Variants in ATP8A2 observed in about 807,000 individuals in gnomAD.
ATP8A2 encodes the protein phospholipid-transporting ATPase IB.
In ATP8A2, 100 loss-of-function variants were observed where a neutral mutation model predicts 165.6. The ratio of observed to expected loss-of-function variants is 0.60; its 90% CI spans 0.51 to 0.71. ATP8A2 has a LOEUF of 0.71. Among genes scored for constraint, ATP8A2 ranks in the 30% least tolerant of loss-of-function variants. The probability of loss-of-function intolerance (pLI) is 0.00; values close to 1 mark genes in which losing one functional copy is unlikely to be tolerated. For synonymous variants in ATP8A2, 543 were observed against 548.8 expected (o/e 0.99, Z 0.15); for missense variants, 1,227 against 1,479.5 (o/e 0.83, Z 2.80).
chr13:25,487,882 A>G (rs1213694891), intron 2 of ATP8A2, among the ~76,000 whole-genome samples: 1 of 151,962 alleles, frequency 6.6e-6, no homozygotes, highest in Non-Finnish European at 1.5e-5. Flanking sequence ...TGGGAGGGTA[A>G]TTAGCTATAG....
chr13:25,648,005 ATGCTTTC>A (rs2041719369), intron 24 of ATP8A2, among the ~76,000 whole-genome samples: 1 of 152,092 alleles, frequency 6.6e-6, no homozygotes, highest in South Asian at 2.1e-4. Context: ...TTCTTTAAAT[ATGCTTTC>A]TGGCCCTTTT....
chr13:25,804,823 C>T (rs1271647902), intron 27 of ATP8A2, among the ~76,000 whole-genome samples: 3 of 152,094 alleles, frequency 2.0e-5, no homozygotes, highest in African/African-American at 7.2e-5. Context: ...AGAGTCTCTG[C>T]CCAAGGGGAC....
intron 33 of ATP8A2, among the ~76,000 whole-genome samples, chr13:25,875,712 CCA>C (rs1952804629): frequency 1.3e-5 from 2 of 152,144 alleles, no homozygotes; most frequent in African/African-American, 4.8e-5. Flanking sequence ...ACTGTTTTAG[CCA>C]CATAGGTGAT....
At chr13:25,890,219 A>C (rs149727091) in intron 33 of ATP8A2, among the ~76,000 whole-genome samples, 1 of 152,300 alleles carries the variant, frequency 6.6e-6, no homozygotes, top group East Asian at 1.9e-4. Context: ...ATATATACCA[A>C]GGTTTCAATT....
At chr13:25,789,081 T>C (rs2045102180) in intron 27 of ATP8A2, among the ~76,000 whole-genome samples, 1 of 152,210 alleles carries the variant, frequency 6.6e-6, no homozygotes, top group Non-Finnish European at 1.5e-5. Context: ...TGAGGATGGA[T>C]GTGTGGTCCA....
At chr13:25,680,817 G>T (rs1472343452) in intron 24 of ATP8A2, among the ~76,000 whole-genome samples, 1 of 152,178 alleles carries the variant, frequency 6.6e-6, no homozygotes, top group Non-Finnish European at 1.5e-5. Context: ...GCCCAGGCTT[G>T]TCAGTTCCTG....
chr13:25,981,264 A>G (rs1956166081), intron 35 of ATP8A2, among the ~76,000 whole-genome samples: 1 of 151,818 alleles, frequency 6.6e-6, no homozygotes, highest in Non-Finnish European at 1.5e-5. Context: ...GAAGGAACCA[A>G]CAGTTTGTGT....
intron 2 of ATP8A2, among the ~76,000 whole-genome samples, chr13:25,506,854 A>G (rs66909749): frequency 0.13 from 19,292 of 151,572 alleles, 1,433 homozygotes; most frequent in Non-Finnish European, 0.18. Flanking sequence ...TCAGTGCTCA[A>G]AAAGGTTTGG....
intron 2 of ATP8A2, among the ~76,000 whole-genome samples, chr13:25,484,798 T>C (rs1435011732): frequency 6.6e-6 from 1 of 152,220 alleles, no homozygotes; most frequent in Non-Finnish European, 1.5e-5. Context: ...ATTACAGGCG[T>C]GAGCGACCGC....
chr13:25,674,309 G>A (rs2042328521), intron 24 of ATP8A2, among the ~76,000 whole-genome samples: 1 of 151,438 alleles, frequency 6.6e-6, no homozygotes. Flanking sequence ...GGCTCTTTTA[G>A]CTGCTTTATT....
At chr13:25,406,025 T>C (rs917361741) in intron 1 of ATP8A2, among the ~76,000 whole-genome samples, 1 of 152,200 alleles carries the variant, frequency 6.6e-6, no homozygotes, top group Non-Finnish European at 1.5e-5. Flanking sequence ...AGGACATGAT[T>C]GGCACTAAGA....
intron 35 of ATP8A2, among the ~76,000 whole-genome samples, chr13:25,993,243 A>C (rs1292476280): frequency 1.3e-5 from 2 of 152,176 alleles, no homozygotes; most frequent in African/African-American, 4.8e-5. Flanking sequence ...TTCTAGTTCT[A>C]GATCCCTGAG....
chr13:25,919,453 A>G (rs1475978941), intron 33 of ATP8A2, among the ~76,000 whole-genome samples: 1 of 152,098 alleles, frequency 6.6e-6, no homozygotes, highest in East Asian at 1.9e-4. Flanking sequence ...GATGTGAAAG[A>G]ATGTATATCT....
chr13:25,820,509 G>A lies in ATP8A2; in HGVS notation c.2680-7609G>A, dbSNP rs372731340. Among the ~76,000 whole-genome samples the A allele has an allele frequency of 7.6e-4, 116 of 152,246 alleles. 4 individuals are homozygous for A. In the East Asian group the frequency reaches 0.022, roughly 29 times the overall value. On this transcript the variant is annotated intron_variant, in intron 27 of 36. Coordinates refer to ENST00000381655, the MANE Select transcript of ATP8A2 (RefSeq NM_016529.6). ...CAAGAGTAAAATTTAGTGGCTATAA[G>A]CAAGCCACCATCCAAGTAACTGCAC...
intron 1 of ATP8A2, among the ~76,000 whole-genome samples, chr13:25,462,466 T>A (rs1445568840): frequency 2.3e-5 from 3 of 131,028 alleles, no homozygotes. Flanking sequence ...GAGGTTGAGA[T>A]CCGGGAGGGT....
intron 1 of ATP8A2, among the ~76,000 whole-genome samples, chr13:25,427,073 A>G (rs541045296): frequency 3.5e-4 from 53 of 152,252 alleles, no homozygotes; most frequent in African/African-American, 1.3e-3. Flanking sequence ...GTATGTGGGA[A>G]CTCTCTACAT....
At chr13:25,517,904 C>G (rs1301679616) in intron 2 of ATP8A2, among the ~76,000 whole-genome samples, 1 of 152,154 alleles carries the variant, frequency 6.6e-6, no homozygotes, top group Non-Finnish European at 1.5e-5. Flanking sequence ...TTGACAGGCT[C>G]TATTTATCAG....
chr13:25,940,255 C>T (rs1196069032), intron 33 of ATP8A2, among the ~76,000 whole-genome samples: 6 of 152,130 alleles, frequency 3.9e-5, no homozygotes, highest in African/African-American at 7.2e-5. Flanking sequence ...GCGTCCTCCT[C>T]GCCACCCTGG....
intron 2 of ATP8A2, among the ~76,000 whole-genome samples, chr13:25,499,052 A>G (rs1021023706): frequency 6.6e-6 from 1 of 152,222 alleles, no homozygotes; most frequent in African/African-American, 2.4e-5. Context: ...TGACAATAAA[A>G]TAGAATCTCC....
Sources: gnomAD v4.1 joint callset for allele counts (sites outside exome capture counted in the v4.1 genomes callset) on GRCh38, gnomAD v4.1.1 for gene constraint, MANE v1.5 for transcripts, NCBI Gene and HGNC (gene_info 2026-07-23, HGNC 2026-07-21) for gene names.